The following EXD1 variants were observed in gnomAD, a reference collection of about 807,000 sequenced individuals.
EXD1 encodes piRNA biogenesis protein EXD1.
EXD1 carries 63 observed loss-of-function variants against 49.1 expected under a neutral mutation model. The observed-to-expected ratio is 1.28, with a 90% CI of 1.05 to 1.58. The LOEUF (loss-of-function observed/expected upper bound fraction) is 1.58, where lower values mean the gene tolerates loss of function less well. EXD1 is among the 40% of genes most tolerant of loss of function. EXD1 has a pLI of 0.00. For missense variants in EXD1, 748 were observed against 666.0 expected, an observed-to-expected ratio of 1.12 and a Z score of -1.36; for synonymous variants, 234 against 239.2, an observed-to-expected ratio of 0.98 and a Z score of 0.20.
intron 7 of EXD1, among the ~76,000 whole-genome samples, chr15:41,208,369 GAAAA>G (rs10586810): frequency 8.8e-4 from 55 of 62,676 alleles, no homozygotes; most frequent in African/African-American, 1.8e-3. Context: ...ACTCATCTCT[GAAAA>G]AAAAAAAAAA....
intron 2 of EXD1, among the ~76,000 whole-genome samples, chr15:41,224,713 T>C (rs1323910667): frequency 6.6e-6 from 1 of 152,046 alleles, no homozygotes; most frequent in Non-Finnish European, 1.5e-5. Context: ...AAACCTAGCA[T>C]TTTGGGAGGC....
chr15:41,200,161 C>T (rs1397916127), intron 7 of EXD1, among the ~76,000 whole-genome samples: 3 of 152,114 alleles, frequency 2.0e-5, no homozygotes, highest in East Asian at 1.9e-4. Flanking sequence ...CCGCCTGCCT[C>T]GGCCTCCCTA....
At chr15:41,223,258 A>G (rs1316367751) in intron 2 of EXD1, among the ~76,000 whole-genome samples, 5 of 151,254 alleles carry the variant, frequency 3.3e-5, no homozygotes, top group Non-Finnish European at 7.4e-5. Flanking sequence ...ATCTCTACAA[A>G]ATATTTAAAA....
rs753881207 is a variant in EXD1, at chr15:41,202,153, T to C, written c.535-6116A>G. On this transcript the variant is annotated intron_variant, in intron 7 of 11. Coordinates refer to ENST00000458580, the MANE Select transcript of EXD1 (RefSeq NM_001286441.2). ...ACCCATTCTCAGAACTTTCATTATA[T>C]ATATATATATATATTTTTTTTAATT... is the stretch of plus-strand genomic sequence containing the variant. Among the ~76,000 whole-genome samples the C allele has an allele frequency of 6.5e-3, 807 of 124,962 alleles. 4 individuals are homozygous for C. Among genetic ancestry groups the C allele is most frequent in the South Asian group, 0.035 (113 of 3,266 alleles). The allele number at this position is 124,962 out of a possible 152,430, so 82.0% of individuals were successfully genotyped here.
intron 11 of EXD1, among the ~76,000 whole-genome samples, chr15:41,189,675 T>TA (rs1457132998): frequency 1.3e-5 from 2 of 150,832 alleles, no homozygotes; most frequent in Admixed American, 6.6e-5. Flanking sequence ...AAAAAATAAA[T>TA]AAATAAAATA....
At chr15:41,192,514 C>T (rs1055502969) in intron 9 of EXD1, among the ~76,000 whole-genome samples, 1 of 147,876 alleles carries the variant, frequency 6.8e-6, no homozygotes, top group Non-Finnish European at 1.5e-5. Context: ...CCAGGATAGT[C>T]TCGATCTCTT....
chr15:41,228,385 T>C (rs2047193565), intron 1 of EXD1, among the ~76,000 whole-genome samples: 1 of 152,208 alleles, frequency 6.6e-6, no homozygotes, highest in Non-Finnish European at 1.5e-5. Flanking sequence ...CAAGTGCTTA[T>C]ACAAATATTA....
intron 11 of EXD1, among the ~76,000 whole-genome samples, chr15:41,186,844 G>A (rs1437538530): frequency 6.7e-6 from 1 of 149,974 alleles, no homozygotes; most frequent in African/African-American, 2.5e-5. Flanking sequence ...GTGCACTCTC[G>A]GCTCACTGCA....
intron 2 of EXD1, among the ~76,000 whole-genome samples, chr15:41,225,076 C>G (rs1308526995): frequency 5.3e-5 from 8 of 152,150 alleles, no homozygotes; most frequent in Non-Finnish European, 1.0e-4. Context: ...ACCTGGTGAC[C>G]ATGAGGATAA....
intron 7 of EXD1, among the ~76,000 whole-genome samples, chr15:41,200,771 T>C (rs6492988): frequency 0.27 from 40,432 of 151,982 alleles, 7,171 homozygotes; most frequent in African/African-American, 0.5. Context: ...AGTCTCAGAA[T>C]TGAATTGGAG....
At chr15:41,223,460 C>G (rs1016381554) in intron 2 of EXD1, among the ~76,000 whole-genome samples, 7 of 151,780 alleles carry the variant, frequency 4.6e-5, no homozygotes, top group African/African-American at 1.7e-4. Flanking sequence ...GTGGCTCATG[C>G]CTATAATCCC....
intron 6 of EXD1, among the ~76,000 whole-genome samples, chr15:41,213,489 G>A (rs1171706427): frequency 1.6e-5 from 2 of 125,920 alleles, no homozygotes; most frequent in African/African-American, 4.0e-5. Flanking sequence ...ATGAGCCACC[G>A]TGTCCAGCCA....
chr15:41,217,479 T>C (rs1445495485), intron 3 of EXD1, among the ~76,000 whole-genome samples: 1 of 151,672 alleles, frequency 6.6e-6, no homozygotes, highest in Non-Finnish European at 1.5e-5. Context: ...TTTCCCACCA[T>C]CCCAATCCTA....
At chr15:41,213,289 C>A (rs2046950026) in intron 6 of EXD1, among the ~76,000 whole-genome samples, 1 of 151,616 alleles carries the variant, frequency 6.6e-6, no homozygotes, top group Non-Finnish European at 1.5e-5. Flanking sequence ...GCAACCTCTG[C>A]CTCCTGGGTT....
chr15:41,209,706 T>C, intron 6 of EXD1, 119 bp from the exon 7 acceptor site: 1 of 823,002 alleles, frequency 1.2e-6, no homozygotes, highest in East Asian at 2.7e-5. Context: ...TTTGTTAAAC[T>C]TACAAAATTT....
Position 41,183,908 on chromosome 15 carries a change from C to A in EXD1, c.*23G>T. The A allele has an allele frequency of 6.5e-7, 1 of 1,550,068 alleles. No individual in the cohort carries two copies. The highest frequency in any genetic ancestry group is 8.7e-7 in the Non-Finnish European group (1 of 1,150,892). On this transcript the variant is annotated 3_prime_UTR_variant, in exon 12 of 12. Transcript: ENST00000458580. ...CAAAGGAAATAAGCCATCTGTATGG[C>A]CTTAAGAACAAACTGCCCATCTCTA... is the stretch of plus-strand genomic sequence containing the variant.
Position 41,224,236 on chromosome 15 carries a change from C to T in EXD1, c.133+2207G>A, listed in dbSNP as rs2047130050. On this transcript the variant is annotated intron_variant, in intron 2 of 11. Transcript: ENST00000458580. ...TACAGGCGTGAGCCACTGCGCCCAGCCCCTAGACTAAGTTTTTTGAGAACA... is the reference window on the plus strand; with the variant it reads ...TACAGGCGTGAGCCACTGCGCCCAGTCCCTAGACTAAGTTTTTTGAGAACA... 1.3e-5 allele frequency among the ~76,000 whole-genome samples: 2 copies of T among 152,162 alleles called. 1 individual carries two copies. Among genetic ancestry groups the T allele is most frequent in the Admixed American group, 1.3e-4 (2 of 15,268 alleles).
chr15:41,202,148 T>TTATA (rs112190852), intron 7 of EXD1, among the ~76,000 whole-genome samples: 5 of 134,910 alleles, frequency 3.7e-5, no homozygotes, highest in African/African-American at 9.6e-5. Context: ...AGAACTTTCA[T>TTATA]TATATATATA....
At chr15:41,204,469 G>A (rs993148468) in intron 7 of EXD1, among the ~76,000 whole-genome samples, 4 of 150,662 alleles carry the variant, frequency 2.7e-5, no homozygotes, top group African/African-American at 7.3e-5. Flanking sequence ...GAGAATCGCT[G>A]GAACCCAGGA....
Sources: gnomAD v4.1 joint callset for allele counts (sites outside exome capture counted in the v4.1 genomes callset) on GRCh38, gnomAD v4.1.1 for gene constraint, MANE v1.5 for transcripts, NCBI Gene and HGNC (gene_info 2026-07-23, HGNC 2026-07-21) for gene names.